The following SBF2 variants were observed in gnomAD, a reference collection of about 807,000 sequenced individuals.
SBF2 encodes SET binding factor 2, also known as myotubularin-related protein 13.
Under a neutral mutation model 225.2 loss-of-function variants are expected in SBF2, and 112 were observed. The ratio of observed to expected loss-of-function variants is 0.50; its 90% confidence interval spans 0.43 to 0.58. The LOEUF (loss-of-function observed/expected upper bound fraction) is 0.58. Among genes scored for constraint, SBF2 ranks in the 20% least tolerant of loss-of-function variants. The pLI is 0.00. For missense variants in SBF2, 1,996 were observed against 2,206.2 expected (o/e 0.90, Z 1.91); for synonymous variants, 763 against 773.3 (o/e 0.99, Z 0.22).
chr11:9,836,448 T>A (rs917029155), intron 26 of SBF2, among the ~76,000 whole-genome samples: 5 of 152,188 alleles, frequency 3.3e-5, no homozygotes, highest in Non-Finnish European at 5.9e-5. Flanking sequence ...TTTAATATAT[T>A]CCCTATTTTG....
At chr11:9,985,371 G>A (rs931371697) in intron 13 of SBF2, among the ~76,000 whole-genome samples, 5 of 152,128 alleles carry the variant, frequency 3.3e-5, no homozygotes, top group Admixed American at 6.5e-5. Context: ...CATTCAGGCT[G>A]GCATACAGTG....
chr11:9,832,302 T>A lies in SBF2; in HGVS notation c.3574A>T (p.Thr1192Ser). The change falls in exon 27 of 40, where the codon ACT becomes TCT. Residue 1192 changes from threonine (T) to serine (S), a missense_variant. Transcript: ENST00000256190. ...VVCWKNSRSG[T>S]LLLRSGGFHG... ...AATCCTCCAGATCGGAGGAGCAGAG[T>A]ACCACTTCTTGAGTTCTTCCAACAT... 1 of 1,614,068 alleles carries A rather than the reference T, an allele frequency of 6.2e-7. No homozygotes were observed. The highest frequency in any genetic ancestry group is 1.1e-5 in the South Asian group (1 of 91,078).
rs1197157972 is a variant in SBF2 at position 9,780,359 on chromosome 11, TTCTA to T, written c.*55_*58del. 2.1e-6 allele frequency: 3 copies of T among 1,437,702 alleles called. No individual in the cohort carries two copies. Among genetic ancestry groups the T allele is most frequent in the Non-Finnish European group, 2.9e-6 (3 of 1,025,988 alleles). 89.1% of individuals were successfully genotyped at this position (1,437,702 alleles called of 1,614,324 possible). A position where few individuals can be genotyped will look rare whatever the true frequency, so the allele number is the denominator to read the frequency against. ...GCTCCTCAAGGATCCATGCTTCTTTTTCTATCTATCTGGCAGCATGAGTTCTTCT... is the reference window on the plus strand; with the variant it reads ...GCTCCTCAAGGATCCATGCTTCTTTTTCTATCTGGCAGCATGAGTTCTTCT... On this transcript the variant is annotated 3_prime_UTR_variant, in exon 40 of 40. Transcript: ENST00000256190.
intron 28 of SBF2, chr11:9,828,061 C>A: frequency 1.1e-6 from 1 of 945,014 alleles, no homozygotes; most frequent in Non-Finnish European, 1.4e-6. Context: ...TATCAACTAT[C>A]TAGAAAAATG....
chr11:9,987,229 T>G (rs1307691276), intron 13 of SBF2, among the ~76,000 whole-genome samples: 1 of 152,150 alleles, frequency 6.6e-6, no homozygotes, highest in Non-Finnish European at 1.5e-5. Context: ...TAGCATCCCT[T>G]TATGATTAAA....
chr11:9,828,098 G>T, intron 28 of SBF2: 1 of 1,229,966 alleles, frequency 8.1e-7, no homozygotes, highest in Non-Finnish European at 1.1e-6. Context: ...TTGCATCAGT[G>T]CTCAGTTATA....
chr11:9,974,971 AAAAAAAAAAAAAAAAAAG>A (rs1267622110), intron 13 of SBF2, among the ~76,000 whole-genome samples: 8 of 95,204 alleles, frequency 8.4e-5, no homozygotes, highest in South Asian at 3.6e-4. Flanking sequence ...AAAAAAAAAA[AAAAAAAAAAAAAAAAAAG>A]AAAAAAAGAA....
intron 2 of SBF2, among the ~76,000 whole-genome samples, chr11:10,125,158 G>A (rs1477097304): frequency 6.7e-6 from 1 of 149,654 alleles, no homozygotes; most frequent in Non-Finnish European, 1.5e-5. Context: ...TGAATAGTAT[G>A]ATTATGCAGT....
chr11:9,821,581 T>C (rs1049443064), intron 28 of SBF2, among the ~76,000 whole-genome samples: 1 of 152,230 alleles, frequency 6.6e-6, no homozygotes, highest in Non-Finnish European at 1.5e-5. Context: ...GATTTCTAGA[T>C]GTCCTGGGCA....
At chr11:9,877,775 T>A (rs1364745866) in intron 17 of SBF2, among the ~76,000 whole-genome samples, 1 of 152,222 alleles carries the variant, frequency 6.6e-6, no homozygotes, top group East Asian at 1.9e-4. Context: ...ATGTGCCACA[T>A]TTTCTTAATC....
chr11:10,291,171 C>T (rs1475825793), intron 1 of SBF2, among the ~76,000 whole-genome samples: 2 of 152,140 alleles, frequency 1.3e-5, no homozygotes, highest in Admixed American at 6.5e-5. Context: ...TCCCAAAATT[C>T]GTATGTTAAA....
intron 26 of SBF2, among the ~76,000 whole-genome samples, chr11:9,833,769 C>G (rs1855560267): frequency 3.0e-5 from 4 of 131,322 alleles, no homozygotes; most frequent in Non-Finnish European, 4.9e-5. Flanking sequence ...ATTTATCATG[C>G]TATCCTTTTT....
chr11:10,170,787 A>T (rs1956151349), intron 2 of SBF2, among the ~76,000 whole-genome samples: 1 of 151,624 alleles, frequency 6.6e-6, no homozygotes, highest in Non-Finnish European at 1.5e-5. Flanking sequence ...TGAACATGGA[A>T]TATCTTTCCT....
chr11:9,953,686 A>G (rs1049475885), intron 16 of SBF2, among the ~76,000 whole-genome samples: 1 of 152,156 alleles, frequency 6.6e-6, no homozygotes, highest in African/African-American at 2.4e-5. Context: ...GATTGTCCCA[A>G]CTGTTAACTG....
intron 1 of SBF2, among the ~76,000 whole-genome samples, chr11:10,273,842 AG>A (rs1180089343): frequency 1.3e-5 from 2 of 152,242 alleles, no homozygotes; most frequent in Non-Finnish European, 2.9e-5. Flanking sequence ...TGACAGGAAT[AG>A]GTTGTCTGTC....
chr11:9,799,924 A>G (rs926125553), intron 32 of SBF2, among the ~76,000 whole-genome samples: 3 of 152,206 alleles, frequency 2.0e-5, no homozygotes, highest in Non-Finnish European at 4.4e-5. Context: ...AAATCAGTAC[A>G]AATGTTTTGC....
intron 16 of SBF2, among the ~76,000 whole-genome samples, chr11:9,903,098 G>A (rs141619809): frequency 0.062 from 9,427 of 152,162 alleles, 480 homozygotes; most frequent in East Asian, 0.28. Context: ...GAGGCAGGCG[G>A]ATCACGAGGT....
At chr11:10,133,064 T>C (rs1160343890) in intron 2 of SBF2, among the ~76,000 whole-genome samples, 4 of 146,974 alleles carry the variant, frequency 2.7e-5, no homozygotes, top group Non-Finnish European at 6.0e-5. Flanking sequence ...TTACAATCCT[T>C]GAGCTAGACA....
At chr11:9,852,215 C>A (rs1857008900) in intron 21 of SBF2, among the ~76,000 whole-genome samples, 1 of 152,302 alleles carries the variant, frequency 6.6e-6, no homozygotes, top group Middle Eastern at 3.4e-3. Context: ...CTGGGGTACT[C>A]CAATTCAGGA....
Sources: allele counts gnomAD v4.1 joint callset (sites outside exome capture counted in the v4.1 genomes callset), GRCh38; gene constraint gnomAD v4.1.1; transcripts MANE v1.5; gene names NCBI Gene and HGNC (gene_info 2026-07-23, HGNC 2026-07-21).